SCMH1: variants seen among roughly 807,000 people sequenced by gnomAD.
SCMH1 encodes Scm polycomb group protein homolog 1, also known as polycomb protein SCMH1.
A neutral mutation model predicts 70.8 loss-of-function variants in SCMH1; 37 were observed. The ratio of observed to expected loss-of-function variants is 0.52; its 90% confidence interval spans 0.40 to 0.69. SCMH1 has a LOEUF of 0.69. Ranked by LOEUF, SCMH1 falls within the 30% of genes least tolerant of loss-of-function variation. SCMH1 has a pLI of 0.00. For synonymous variants in SCMH1, 292 were observed against 307.4 expected, an observed-to-expected ratio of 0.95 and a Z score of 0.52; for missense variants, 607 against 827.3, an observed-to-expected ratio of 0.73 and a Z score of 3.27.
chr1:41,203,807 A>G (rs551275591), intron 1 of SCMH1, among the ~76,000 whole-genome samples: 1 of 152,194 alleles, frequency 6.6e-6, no homozygotes, highest in Non-Finnish European at 1.5e-5. Flanking sequence ...CGTTTCCCAT[A>G]AGGGATACTT....
At chr1:41,079,031 A>C (rs1451895101) in intron 8 of SCMH1, among the ~76,000 whole-genome samples, 2 of 152,216 alleles carry the variant, frequency 1.3e-5, no homozygotes, top group African/African-American at 4.8e-5. Context: ...ATTATTTGGG[A>C]GTAGTTAGAG....
At chr1:41,145,309 G>C (rs1336924114) in intron 5 of SCMH1, among the ~76,000 whole-genome samples, 1 of 152,020 alleles carries the variant, frequency 6.6e-6, no homozygotes, top group Non-Finnish European at 1.5e-5. Flanking sequence ...AGCTGTACCT[G>C]CACCAGTTGT....
intron 7 of SCMH1, among the ~76,000 whole-genome samples, chr1:41,116,177 T>A (rs1165362155): frequency 6.6e-6 from 1 of 152,262 alleles, no homozygotes; most frequent in Admixed American, 6.5e-5. Context: ...CTCATCTTTA[T>A]TTCTAGTCCC....
At chr1:41,235,796 C>G (rs1662267111) in intron 1 of SCMH1, among the ~76,000 whole-genome samples, 1 of 152,026 alleles carries the variant, frequency 6.6e-6, no homozygotes, top group African/African-American at 2.4e-5. Context: ...TCATGTATTT[C>G]TTTATTACAT....
intron 2 of SCMH1, among the ~76,000 whole-genome samples, chr1:41,181,628 G>C (rs1037620003): frequency 1.2e-4 from 18 of 152,194 alleles, no homozygotes; most frequent in African/African-American, 4.1e-4. Context: ...TCAGAAAAAT[G>C]CAAATCAAAA....
At chr1:41,185,692 A>G (rs1183694046) in intron 2 of SCMH1, among the ~76,000 whole-genome samples, 2 of 150,612 alleles carry the variant, frequency 1.3e-5, no homozygotes, top group Non-Finnish European at 2.9e-5. Flanking sequence ...CTGGAGTGCA[A>G]TGGTGAGATC....
intron 5 of SCMH1, among the ~76,000 whole-genome samples, chr1:41,143,537 A>C (rs1008161490): frequency 1.3e-5 from 2 of 152,108 alleles, no homozygotes; most frequent in African/African-American, 4.8e-5. Context: ...CAGACTATTG[A>C]GGGTTAATTT....
intron 8 of SCMH1, among the ~76,000 whole-genome samples, chr1:41,078,695 C>A (rs1392244229): frequency 6.6e-6 from 1 of 152,012 alleles, no homozygotes; most frequent in African/African-American, 2.4e-5. Flanking sequence ...GTGAAAATAT[C>A]CTTCAGAAAT....
At chr1:41,240,991 A>C (rs904812956) in intron 1 of SCMH1, among the ~76,000 whole-genome samples, 4 of 152,342 alleles carry the variant, frequency 2.6e-5, no homozygotes, top group Middle Eastern at 3.4e-3. Context: ...GTGAAGACTC[A>C]GGGGACATGA....
intron 2 of SCMH1, among the ~76,000 whole-genome samples, chr1:41,182,092 C>T (rs1252260835): frequency 1.3e-5 from 2 of 152,064 alleles, no homozygotes; most frequent in Non-Finnish European, 2.9e-5. Flanking sequence ...AACAAACTAT[C>T]GCAAGGACAA....
chr1:41,117,763 CCTCT>C (rs746941862), intron 6 of SCMH1, among the ~76,000 whole-genome samples: 3 of 150,834 alleles, frequency 2.0e-5, no homozygotes, highest in South Asian at 2.1e-4. Context: ...CTCTCTCTCT[CCTCT>C]CTCTCTCTCT....
intron 9 of SCMH1, among the ~76,000 whole-genome samples, chr1:41,072,662 G>C (rs1206915369): frequency 6.6e-6 from 1 of 152,160 alleles, no homozygotes; most frequent in Non-Finnish European, 1.5e-5. Context: ...AGGAGTTTGA[G>C]ACCAGCCTGG....
At chr1:41,156,446 T>A (rs1401446676) in intron 4 of SCMH1, among the ~76,000 whole-genome samples, 2 of 152,148 alleles carry the variant, frequency 1.3e-5, no homozygotes, top group African/African-American at 2.4e-5. Context: ...TTTATTTTAT[T>A]TTTTTTGAGA....
At chr1:41,178,419 C>T (rs1246483037) in intron 2 of SCMH1, among the ~76,000 whole-genome samples, 6 of 152,154 alleles carry the variant, frequency 3.9e-5, no homozygotes, top group African/African-American at 1.4e-4. Context: ...GGGCTAAATG[C>T]TCCAAGTAAA....
At chr1:41,233,346 C>A (rs1661678498) in intron 1 of SCMH1, among the ~76,000 whole-genome samples, 1 of 152,104 alleles carries the variant, frequency 6.6e-6, no homozygotes, top group South Asian at 2.1e-4. Flanking sequence ...TCTGAAAAAT[C>A]CACTAAACTA....
chr1:41,103,788 G>A (rs1572144420), intron 8 of SCMH1, among the ~76,000 whole-genome samples: 1 of 152,166 alleles, frequency 6.6e-6, no homozygotes, highest in Admixed American at 6.5e-5. Flanking sequence ...CAGAGTCAAG[G>A]GGCAGCTTAA....
At chr1:41,159,183 T>C (rs1232573961) in intron 4 of SCMH1, among the ~76,000 whole-genome samples, 2 of 152,200 alleles carry the variant, frequency 1.3e-5, no homozygotes, top group South Asian at 2.1e-4. Flanking sequence ...TGCTAGATGG[T>C]AAAAATGAAA....
At chr1:41,108,448 G>A (rs964657687) in intron 8 of SCMH1, among the ~76,000 whole-genome samples, 2 of 152,210 alleles carry the variant, frequency 1.3e-5, no homozygotes, top group Non-Finnish European at 2.9e-5. Context: ...CATGCCATAT[G>A]TACTGAATTC....
chr1:41,220,079 T>C (rs1557855641), intron 1 of SCMH1, among the ~76,000 whole-genome samples: 1 of 152,246 alleles, frequency 6.6e-6, no homozygotes, highest in South Asian at 2.1e-4. Flanking sequence ...TTATTTCTCT[T>C]AAAAATAATA....
Sources: gnomAD v4.1 joint callset for allele counts (sites outside exome capture counted in the v4.1 genomes callset) on GRCh38, gnomAD v4.1.1 for gene constraint, MANE v1.5 for transcripts, NCBI Gene and HGNC (gene_info 2026-07-23, HGNC 2026-07-21) for gene names.